The following USP54 variants were observed in gnomAD, a reference collection of about 807,000 sequenced individuals.
USP54 encodes ubiquitin carboxyl-terminal hydrolase 54.
USP54 carries 87 observed loss-of-function variants against 170.5 expected under a neutral mutation model. The observed-to-expected ratio is 0.51, with a 90% confidence interval of 0.43 to 0.61. The LOEUF (loss-of-function observed/expected upper bound fraction) is 0.61, where lower values mean the gene tolerates loss of function less well. USP54 is among the 20% of genes least tolerant of loss of function. USP54 has a pLI of 0.00. For missense variants in USP54, 1,786 were observed against 2,047.8 expected, an observed-to-expected ratio of 0.87 and a Z score of 2.47; for synonymous variants, 655 against 742.8, an observed-to-expected ratio of 0.88 and a Z score of 1.92.
chr10:73,522,494 C>T (rs187615258), intron 17 of USP54, among the ~76,000 whole-genome samples: 1 of 152,214 alleles, frequency 6.6e-6, no homozygotes, highest in East Asian at 1.9e-4. Context: ...GTGGGATCTC[C>T]TCCTAACTTT....
At chr10:73,582,485 G>A (rs541259824) in intron 1 of USP54, among the ~76,000 whole-genome samples, 60 of 151,784 alleles carry the variant, frequency 4.0e-4, no homozygotes, top group Middle Eastern at 6.8e-3. Context: ...TCCACCTCCC[G>A]GGTTCAAGCA....
chr10:73,590,501 T>C (rs922635181), intron 1 of USP54, among the ~76,000 whole-genome samples: 1 of 152,008 alleles, frequency 6.6e-6, no homozygotes, highest in African/African-American at 2.4e-5. Flanking sequence ...AAAAAAAAAT[T>C]TTTTTTTAAT....
At chr10:73,566,755 CA>C (rs796392640) in intron 4 of USP54, among the ~76,000 whole-genome samples, 80 of 151,130 alleles carry the variant, frequency 5.3e-4, no homozygotes, top group African/African-American at 1.8e-3. Context: ...AAAAACAAAA[CA>C]AAAAAAACAA....
intron 4 of USP54, among the ~76,000 whole-genome samples, chr10:73,561,020 G>A (rs181430291): frequency 7.5e-5 from 11 of 147,132 alleles, no homozygotes; most frequent in East Asian, 6.0e-4. Context: ...CAGGATAATC[G>A]CTTGAACCCG....
chr10:73,574,908 G>A (rs1470291250), intron 3 of USP54, among the ~76,000 whole-genome samples: 4 of 151,214 alleles, frequency 2.6e-5, no homozygotes, highest in Non-Finnish European at 5.9e-5. Context: ...AACCTGTAGA[G>A]ACTGTTCAGG....
intron 17 of USP54, among the ~76,000 whole-genome samples, chr10:73,521,389 G>A (rs1481132514): frequency 6.6e-6 from 1 of 152,180 alleles, no homozygotes; most frequent in Non-Finnish European, 1.5e-5. Context: ...AATAGCAGAA[G>A]GTTAGGTTCT....
chr10:73,583,929 G>A (rs1242370058), intron 1 of USP54, among the ~76,000 whole-genome samples: 2 of 152,024 alleles, frequency 1.3e-5, no homozygotes, highest in African/African-American at 4.8e-5. Context: ...ATCATTAGAG[G>A]TAACTATTTT....
At chr10:73,585,923 G>T (rs1270785244) in intron 1 of USP54, among the ~76,000 whole-genome samples, 1 of 152,118 alleles carries the variant, frequency 6.6e-6, no homozygotes, top group African/African-American at 2.4e-5. Context: ...TGAGGCAGGA[G>T]AATCTTGAAC....
chr10:73,525,745 A>C (rs1026107954), intron 16 of USP54, among the ~76,000 whole-genome samples: 6 of 152,352 alleles, frequency 3.9e-5, no homozygotes, highest in Middle Eastern at 3.4e-3. Flanking sequence ...ATCTGCCTCT[A>C]TAGGCATTGT....
chr10:73,546,721 T>C (rs974375707), intron 4 of USP54: 2 of 152,204 alleles, frequency 1.3e-5, no homozygotes, highest in African/African-American at 4.8e-5. Flanking sequence ...TTGAGATCTA[T>C]CCATGATGAT....
At chr10:73,517,883 G>A (rs1449354229) in intron 19 of USP54, 136 bp from the exon 20 acceptor site, 20 of 1,137,054 alleles carry the variant, frequency 1.8e-5, no homozygotes, top group Admixed American at 8.3e-5. Flanking sequence ...ACAAGCACAA[G>A]TAGAGTCAGT....
intron 19 of USP54, chr10:73,519,162 A>C (rs984291439): frequency 1.3e-5 from 2 of 150,602 alleles, no homozygotes; most frequent in African/African-American, 5.0e-5. Flanking sequence ...AAAAAAAAAA[A>C]TGTTAACTGC....
At chr10:73,571,310 A>G (rs2075159018) in intron 4 of USP54, 111 bp downstream of exon 4, 1 of 876,230 alleles carries the variant, frequency 1.1e-6, no homozygotes. Flanking sequence ...AACCACAGGT[A>G]GATAATTCAG....
rs1564974767 is a variant in USP54 at position 73,624,179 on chromosome 10, TATATATATATA to T, written c.-18+1377_-18+1387del. 3.2e-4 allele frequency among the ~76,000 whole-genome samples: 36 copies of T among 110,874 alleles called. No homozygotes were observed. The South Asian group carries it at 9.8e-3, about 30-fold the overall frequency. 72.7% of individuals were successfully genotyped at this position (110,874 alleles called of 152,430 possible). ...AAAGCCATATATATATATATATATATATATATATATATATATGTATTTTTTTTTTTTTTTTT... is the reference window on the plus strand; with the variant it reads ...AAAGCCATATATATATATATATATATTATATGTATTTTTTTTTTTTTTTTT... On this transcript the variant is annotated intron_variant, in intron 1 of 22. Transcript: ENST00000339859.
At position 73,601,017 on chromosome 10, in the gene USP54, A is replaced by G. The variant is rs551442492; in HGVS notation, c.-18+24550T>C. ...GTTTACCTATATAGCAAACCTGCGCATGTACCCTGGAACCTAAAATAAAGG... is the reference window on the plus strand; with the variant it reads ...GTTTACCTATATAGCAAACCTGCGCGTGTACCCTGGAACCTAAAATAAAGG... On this transcript the variant is annotated intron_variant, in intron 1 of 22. Coordinates refer to the USP54 transcript ENST00000339859. Among the ~76,000 whole-genome samples the G allele has an allele frequency of 2.0e-5, 3 of 152,322 alleles. No homozygotes were observed. The East Asian group carries it at 5.8e-4, about 29-fold the overall frequency.
chr10:73,620,182 G>T (rs929222963), intron 1 of USP54, among the ~76,000 whole-genome samples: 1 of 149,798 alleles, frequency 6.7e-6, no homozygotes, highest in Admixed American at 6.6e-5. Flanking sequence ...GCGTGGTGGC[G>T]GGCGCCTGTA....
At chr10:73,605,752 A>G (rs923074163) in intron 1 of USP54, among the ~76,000 whole-genome samples, 1 of 152,150 alleles carries the variant, frequency 6.6e-6, no homozygotes, top group Non-Finnish European at 1.5e-5. Context: ...ACAAATACCA[A>G]TGACTCCATT....
intron 19 of USP54, 124 bp downstream of exon 19, chr10:73,519,673 A>C: frequency 7.0e-7 from 1 of 1,437,314 alleles, no homozygotes; most frequent in Non-Finnish European, 9.4e-7. Flanking sequence ...TGAAAGAAGA[A>C]AATCTTTTCA....
At chr10:73,589,610 C>T (rs1194539569) in intron 1 of USP54, among the ~76,000 whole-genome samples, 2 of 152,098 alleles carry the variant, frequency 1.3e-5, no homozygotes, top group East Asian at 1.9e-4. Flanking sequence ...TAAATATACC[C>T]GTACTCAAAT....
Sources: allele counts gnomAD v4.1 joint callset (sites outside exome capture counted in the v4.1 genomes callset), GRCh38; gene constraint gnomAD v4.1.1; transcripts MANE v1.5; gene names NCBI Gene and HGNC (gene_info 2026-07-23, HGNC 2026-07-21).